Variants in AADACL4 observed in about 807,000 individuals in gnomAD.
AADACL4 encodes arylacetamide deacetylase-like 4.
In AADACL4, 9 loss-of-function variants were observed where a neutral mutation model predicts 14.1. The ratio of observed to expected loss-of-function variants is 0.64; its 90% CI spans 0.39 to 1.12. The LOEUF (loss-of-function observed/expected upper bound fraction) is 1.12, where lower values mean the gene tolerates loss of function less well. AADACL4 is among the 50% of genes most tolerant of loss of function. The pLI is 0.01. For missense variants in AADACL4, 531 were observed against 516.1 expected, an observed-to-expected ratio of 1.03 and a Z score of -0.28; for synonymous variants, 188 against 201.6, an observed-to-expected ratio of 0.93 and a Z score of 0.57.
intron 2 of AADACL4, among the ~76,000 whole-genome samples, chr1:12,660,067 C>A (rs1041980524): frequency 6.6e-6 from 1 of 152,250 alleles, no homozygotes; most frequent in Non-Finnish European, 1.5e-5. Flanking sequence ...ATCCCCCCAC[C>A]TTGGCCTTCC....
At chr1:12,648,117 C>T (rs947822332) in intron 1 of AADACL4, among the ~76,000 whole-genome samples, 7 of 152,076 alleles carry the variant, frequency 4.6e-5, no homozygotes, top group African/African-American at 7.2e-5. Context: ...ACTACAGGTG[C>T]GTGCCACCAC....
intron 2 of AADACL4, among the ~76,000 whole-genome samples, chr1:12,658,087 TTC>T (rs1260805699): frequency 1.1e-4 from 14 of 125,050 alleles, no homozygotes; most frequent in South Asian, 5.2e-4. Flanking sequence ...CTTTCTTTCT[TTC>T]TCTTTCTTTC....
At position 12,666,282 on chromosome 1, in the gene AADACL4, G is replaced by A. The variant is rs151073812; in HGVS notation, c.771G>A (p.Leu257=). The A allele has an allele frequency of 4.3e-6, 7 of 1,614,082 alleles. No homozygotes were observed. In the African/African-American group the frequency reaches 9.3e-5, roughly 22 times the overall value. ...TGGTGACTTCTCTGTGTAACTATCT[G>A]GCCATTGACCTCTCCTGGCGTGACG... ...KFMVTSLCNY[L]AIDLSWRDAI... is the part of the protein sequence containing the mutation. The change falls in exon 4 of 4, where the codon CTG becomes CTA. Residue 257 remains leucine (L), a synonymous_variant. Transcript: ENST00000376221.
chr1:12,658,054 TTC>T (rs1647192986), intron 2 of AADACL4, among the ~76,000 whole-genome samples: 1 of 150,828 alleles, frequency 6.6e-6, no homozygotes, highest in African/African-American at 2.5e-5. Flanking sequence ...CCTTCCTTCC[TTC>T]CTTTCTTTTT....
At chr1:12,647,667 T>C (rs1647119565) in intron 1 of AADACL4, among the ~76,000 whole-genome samples, 1 of 151,952 alleles carries the variant, frequency 6.6e-6, no homozygotes, top group South Asian at 2.1e-4. Flanking sequence ...TTCTTTTTTT[T>C]TTTTTGAGAC....
Position 12,666,618 on chromosome 1 carries a change from G to T in AADACL4, c.1107G>T (p.Trp369Cys). Residue 369 changes from tryptophan to cysteine, a missense_variant, in exon 4 of 4, where the codon TGG becomes TGT. Physicochemically the swap from Trp to Cys is radical, Grantham distance 215. Coordinates refer to ENST00000376221, the MANE Select transcript of AADACL4 (RefSeq NM_001013630.2). ...AGGACCAGGGGGTCCGCGTGACATG[G>T]TACCACCTGTATGATGGTTTTCACG... ...RLEDQGVRVT[W>C]YHLYDGFHGS... 1 of 1,614,186 alleles carries T rather than the reference G, an allele frequency of 6.2e-7. No homozygotes were observed. The highest frequency in any genetic ancestry group is 8.5e-7 in the Non-Finnish European group (1 of 1,180,036).
rs199647441 is a variant in AADACL4 at position 12,666,384 on chromosome 1, C to T, written c.873C>T (p.Pro291=). The T allele has an allele frequency of 1.1e-4, 183 of 1,614,114 alleles. No homozygotes were observed. Among genetic ancestry groups the T allele is most frequent in the Non-Finnish European group, 1.5e-4 (173 of 1,180,032 alleles). Residue 291 remains proline (P), a synonymous_variant, in exon 4 of 4, where the codon CCC becomes CCT. Transcript: ENST00000376221. The part of the protein sequence containing the change: ...YEKWLSPDNI[P]KKFKNRGYQP... ...AGTGGCTCAGCCCTGACAACATCCC[C>T]AAGAAATTTAAGAACAGAGGCTACC... is the stretch of plus-strand genomic sequence containing the variant.
chr1:12,663,112 G>C (rs1647254482), intron 3 of AADACL4, among the ~76,000 whole-genome samples: 1 of 152,158 alleles, frequency 6.6e-6, no homozygotes, highest in South Asian at 2.1e-4. Context: ...GCTGAGAGGA[G>C]ACTCCCTGAG....
At chr1:12,644,772 C>G in intron 1 of AADACL4, 58 bp downstream of exon 1, 5 of 1,541,820 alleles carry the variant, frequency 3.2e-6, no homozygotes, top group African/African-American at 1.4e-5. Context: ...GTTCTCAGTA[C>G]CTTACCCTCT....
chr1:12,656,899 G>A (rs1393901154), intron 2 of AADACL4, among the ~76,000 whole-genome samples: 1 of 152,076 alleles, frequency 6.6e-6, no homozygotes, highest in African/African-American at 2.4e-5. Context: ...CCAGCACTTT[G>A]GGAGGTTGAG....
At chr1:12,645,094 C>T (rs1208506742) in intron 1 of AADACL4, among the ~76,000 whole-genome samples, 1 of 145,770 alleles carries the variant, frequency 6.9e-6, no homozygotes, top group Non-Finnish European at 1.5e-5. Context: ...CGCTCCTTTC[C>T]TTCCTTTTTC....
chr1:12,663,012 C>G (rs1052603587), intron 3 of AADACL4, among the ~76,000 whole-genome samples: 1 of 152,136 alleles, frequency 6.6e-6, no homozygotes, highest in African/African-American at 2.4e-5. Flanking sequence ...ATACTTAGAC[C>G]TGGTGCACGG....
chr1:12,657,682 A>G (rs531797950), intron 2 of AADACL4, among the ~76,000 whole-genome samples: 87 of 152,300 alleles, frequency 5.7e-4, no homozygotes, highest in African/African-American at 2.0e-3. Context: ...ATATTCATGA[A>G]AATTCCTGGA....
chr1:12,663,714 A>G (rs919323094), intron 3 of AADACL4, among the ~76,000 whole-genome samples: 9 of 152,174 alleles, frequency 5.9e-5, no homozygotes, highest in Admixed American at 5.9e-4. Flanking sequence ...TGTTGGAGTC[A>G]TATATTCAAC....
intron 1 of AADACL4, among the ~76,000 whole-genome samples, chr1:12,648,796 T>C (rs762761917): frequency 7.2e-5 from 11 of 152,102 alleles, no homozygotes; most frequent in Non-Finnish European, 1.6e-4. Context: ...TTACCAGCTA[T>C]AGAAAATGTG....
chr1:12,649,333 C>T (rs1647130877), intron 1 of AADACL4, among the ~76,000 whole-genome samples: 1 of 152,168 alleles, frequency 6.6e-6, no homozygotes, highest in Admixed American at 6.5e-5. Flanking sequence ...CATGGAGAAG[C>T]CCACAGTGTG....
chr1:12,657,121 T>C (rs190114547), intron 2 of AADACL4, among the ~76,000 whole-genome samples: 205 of 120,780 alleles, frequency 1.7e-3, no homozygotes, highest in African/African-American at 6.8e-3. Context: ...CCAGTCTGGG[T>C]GACAGAGAAA....
intron 2 of AADACL4, among the ~76,000 whole-genome samples, chr1:12,659,321 C>G (rs1487206120): frequency 1.3e-5 from 2 of 152,164 alleles, no homozygotes; most frequent in African/African-American, 4.8e-5. Flanking sequence ...AATCTCACAG[C>G]ATCATTCCGA....
At chr1:12,656,905 T>C (rs940601375) in intron 2 of AADACL4, among the ~76,000 whole-genome samples, 2 of 151,746 alleles carry the variant, frequency 1.3e-5, no homozygotes, top group Admixed American at 6.6e-5. Flanking sequence ...CTTTGGGAGG[T>C]TGAGGCAGGT....
Sources: gnomAD v4.1 joint callset for allele counts (sites outside exome capture counted in the v4.1 genomes callset) on GRCh38, gnomAD v4.1.1 for gene constraint, MANE v1.5 for transcripts, NCBI Gene and HGNC (gene_info 2026-07-23, HGNC 2026-07-21) for gene names.